Variants in DNER observed in about 807,000 individuals in gnomAD.
DNER encodes the protein delta and Notch-like epidermal growth factor-related receptor.
DNER carries 33 observed loss-of-function variants against 78.2 expected under a neutral mutation model. The observed-to-expected ratio is 0.42, with a 90% confidence interval of 0.32 to 0.56. The LOEUF (loss-of-function observed/expected upper bound fraction) is 0.56, where lower values mean the gene tolerates loss of function less well. Among genes scored for constraint, DNER ranks in the 20% least tolerant of loss-of-function variants. DNER has a pLI of 0.11. For synonymous variants in DNER, 417 were observed against 384.8 expected (o/e 1.08, Z -0.98); for missense variants, 918 against 975.3 (o/e 0.94, Z 0.78).
At chr2:229,435,475 GACTA>G (rs978343779) in intron 8 of DNER, among the ~76,000 whole-genome samples, 1 of 152,180 alleles carries the variant, frequency 6.6e-6, no homozygotes, top group African/African-American at 2.4e-5. Flanking sequence ...ACACAGCAAT[GACTA>G]ACTAATACAA....
At chr2:229,631,024 T>G (rs1010084270) in intron 1 of DNER, among the ~76,000 whole-genome samples, 1 of 152,230 alleles carries the variant, frequency 6.6e-6, no homozygotes, top group Non-Finnish European at 1.5e-5. Flanking sequence ...CATATTTTCT[T>G]TATCCAATCC....
At chr2:229,369,459 A>C (rs1239748777) in intron 11 of DNER, among the ~76,000 whole-genome samples, 1 of 152,086 alleles carries the variant, frequency 6.6e-6, no homozygotes, top group African/African-American at 2.4e-5. Flanking sequence ...AGTCAAAAAA[A>C]AAGTTTCAAC....
At chr2:229,576,481 A>G (rs991996706) in intron 4 of DNER, among the ~76,000 whole-genome samples, 2 of 152,204 alleles carry the variant, frequency 1.3e-5, no homozygotes, top group African/African-American at 2.4e-5. Context: ...TTTTCTTCAC[A>G]TGGCATTAGG....
intron 11 of DNER, among the ~76,000 whole-genome samples, chr2:229,387,483 A>G (rs866972481): frequency 2.7e-5 from 3 of 111,546 alleles, no homozygotes; most frequent in Non-Finnish European, 5.8e-5. Flanking sequence ...AATAGAAAGA[A>G]AAAGAAAGAA....
chr2:229,692,755 T>C lies in DNER; in HGVS notation c.276+21393A>G, dbSNP rs145131641. Among the ~76,000 whole-genome samples, 79 of 152,350 alleles carry C rather than the reference T, an allele frequency of 5.2e-4. 2 individuals carry two copies. The East Asian group carries it at 0.011, about 20-fold the overall frequency. ...TGATTACAGTTAATATTCCACTGTTTCAATTCATTCCACATAGTTTTAAAC... is the reference window on the plus strand; with the variant it reads ...TGATTACAGTTAATATTCCACTGTTCCAATTCATTCCACATAGTTTTAAAC... On this transcript the variant is annotated intron_variant, in intron 1 of 12. Coordinates refer to ENST00000341772, the MANE Select transcript of DNER (RefSeq NM_139072.4).
chr2:229,578,669 C>A (rs932037890), intron 4 of DNER, among the ~76,000 whole-genome samples: 3 of 152,138 alleles, frequency 2.0e-5, no homozygotes, highest in Admixed American at 6.5e-5. Flanking sequence ...GTGCCCCCTG[C>A]CTTCAGGAAG....
intron 11 of DNER, among the ~76,000 whole-genome samples, chr2:229,387,012 A>G (rs1051152824): frequency 7.2e-5 from 11 of 152,206 alleles, no homozygotes; most frequent in Non-Finnish European, 1.6e-4. Flanking sequence ...TTCTACTATA[A>G]AGACACATGC....
chr2:229,525,438 T>C (rs1343565647), intron 5 of DNER, among the ~76,000 whole-genome samples: 1 of 152,166 alleles, frequency 6.6e-6, no homozygotes, highest in Non-Finnish European at 1.5e-5. Flanking sequence ...TGTTTTCCTA[T>C]AGAAATAATA....
chr2:229,586,507 GTAAAAAAAAAAAA>G (rs1559174425), intron 3 of DNER, among the ~76,000 whole-genome samples: 1 of 9,830 alleles, frequency 1.0e-4, no homozygotes, highest in Non-Finnish European at 1.6e-4. Context: ...CTCATTTTTG[GTAAAAAAAAAAAA>G]AAAAAAAAAA....
chr2:229,542,691 A>G (rs1327354124), intron 5 of DNER, among the ~76,000 whole-genome samples: 1 of 151,610 alleles, frequency 6.6e-6, no homozygotes, highest in Non-Finnish European at 1.5e-5. Context: ...TGATGACAAC[A>G]GTCTTTCATT....
intron 4 of DNER, among the ~76,000 whole-genome samples, chr2:229,562,360 T>C (rs933070077): frequency 6.6e-6 from 1 of 152,186 alleles, no homozygotes; most frequent in Non-Finnish European, 1.5e-5. Context: ...TGGCTCGCTT[T>C]ATATTGAATA....
At chr2:229,676,928 C>T (rs1347196509) in intron 1 of DNER, among the ~76,000 whole-genome samples, 1 of 152,046 alleles carries the variant, frequency 6.6e-6, no homozygotes, top group African/African-American at 2.4e-5. Flanking sequence ...TGGATAGGAA[C>T]GAGTCTCACT....
At chr2:229,440,899 C>A (rs1390894554) in intron 8 of DNER, among the ~76,000 whole-genome samples, 1 of 152,220 alleles carries the variant, frequency 6.6e-6, no homozygotes, top group Non-Finnish European at 1.5e-5. Flanking sequence ...GCCTTTATTT[C>A]TATTGGTACT....
Position 229,669,315 on chromosome 2 carries a change from T to C in DNER, c.276+44833A>G, listed in dbSNP as rs549169190. Among the ~76,000 whole-genome samples, 3 of 151,968 alleles carry C rather than the reference T, an allele frequency of 2.0e-5. No homozygotes were observed. In the South Asian group the frequency reaches 6.2e-4, roughly 32 times the overall value. ...AACCACCATGTCATGTGTATACCTA[T>C]GTAGCAAACCTGCACGTTCCGCACA... On this transcript the variant is annotated intron_variant, in intron 1 of 12. Transcript: ENST00000341772.
chr2:229,392,071 T>C lies in DNER; in HGVS notation c.1724-3675A>G, dbSNP rs144009052. Reference sequence around the variant, plus strand: ...TTGATGACAATTACTATAATCATAATATCTAGTATTAAATATATGCCTCCT... The same window carrying C: ...TTGATGACAATTACTATAATCATAACATCTAGTATTAAATATATGCCTCCT... On this transcript the variant is annotated intron_variant, in intron 10 of 12. Coordinates refer to ENST00000341772, the MANE Select transcript of DNER (RefSeq NM_139072.4). 6.6e-4 allele frequency among the ~76,000 whole-genome samples: 101 copies of C among 152,304 alleles called. 1 individual carries two copies. In the East Asian group the frequency reaches 0.018, roughly 28 times the overall value.
At chr2:229,663,147 G>GA (rs962585870) in intron 1 of DNER, among the ~76,000 whole-genome samples, 13 of 152,018 alleles carry the variant, frequency 8.6e-5, no homozygotes, top group African/African-American at 2.9e-4. Context: ...TTTGATCTAG[G>GA]AAAAATGCAA....
chr2:229,422,060 G>A (rs1693779002), intron 8 of DNER, among the ~76,000 whole-genome samples: 1 of 151,988 alleles, frequency 6.6e-6, no homozygotes, highest in African/African-American at 2.4e-5. Context: ...TCTTCCTTGG[G>A]GGGGAAAAAA....
At chr2:229,424,664 T>C (rs545378573) in intron 8 of DNER, among the ~76,000 whole-genome samples, 2 of 152,248 alleles carry the variant, frequency 1.3e-5, no homozygotes, top group East Asian at 1.9e-4. Context: ...TATAATCTCA[T>C]TGAACCTTAA....
chr2:229,630,335 G>A (rs1157350092), intron 1 of DNER, among the ~76,000 whole-genome samples: 1 of 151,898 alleles, frequency 6.6e-6, no homozygotes, highest in Non-Finnish European at 1.5e-5. Flanking sequence ...AATTAGCCGG[G>A]TATGCTGGCA....
Sources: gnomAD v4.1 joint callset for allele counts (sites outside exome capture counted in the v4.1 genomes callset) on GRCh38, gnomAD v4.1.1 for gene constraint, MANE v1.5 for transcripts, NCBI Gene and HGNC (gene_info 2026-07-23, HGNC 2026-07-21) for gene names.